B3GALNT2: variants seen among roughly 807,000 people sequenced by gnomAD.
The protein encoded by B3GALNT2 is beta-1,3-N-acetylgalactosaminyltransferase 2.
A neutral mutation model predicts 61.1 loss-of-function variants in B3GALNT2; 53 were observed. The observed-to-expected ratio is 0.87, with a 90% CI of 0.70 to 1.09. The LOEUF (loss-of-function observed/expected upper bound fraction) is 1.09, where lower values mean the gene tolerates loss of function less well. B3GALNT2 is among the 50% of genes least tolerant of loss of function. B3GALNT2 has a pLI of 0.00. For missense variants in B3GALNT2, 544 were observed against 623.0 expected, an observed-to-expected ratio of 0.87 and a Z score of 1.35; for synonymous variants, 223 against 237.4, an observed-to-expected ratio of 0.94 and a Z score of 0.56.
chr1:235,491,801 G>T (rs1685084609), intron 2 of B3GALNT2, among the ~76,000 whole-genome samples: 1 of 151,676 alleles, frequency 6.6e-6, no homozygotes, highest in Non-Finnish European at 1.5e-5. Flanking sequence ...GCCTCTCACA[G>T]TCATATGCTT....
At chr1:235,490,433 G>C (rs1381702783) in intron 2 of B3GALNT2, among the ~76,000 whole-genome samples, 1 of 152,124 alleles carries the variant, frequency 6.6e-6, no homozygotes, top group African/African-American at 2.4e-5. Flanking sequence ...ATTTCACCAT[G>C]TTGGCCAGGC....
intron 11 of B3GALNT2, chr1:235,452,572 T>A (rs1469023462): frequency 6.7e-6 from 1 of 150,244 alleles, no homozygotes. Context: ...TGAGACAGGG[T>A]CTCTCTCACT....
Position 235,455,557 on chromosome 1 carries a change from A to G in B3GALNT2, c.1151+2T>C. On this transcript the variant is annotated splice_donor_variant, in intron 9 of 11. Transcript: ENST00000366600. LOFTEE classifies it high-confidence loss of function. ...CCAATGGGCTAAGAATGGTTAACTT[A>G]CTTTCCCCACCAAAAATTAGGCCCA... 4 of 1,612,400 alleles carry G rather than the reference A, an allele frequency of 2.5e-6. No individual in the cohort carries two copies. Among genetic ancestry groups the G allele is most frequent in the Non-Finnish European group, 3.4e-6 (4 of 1,178,444 alleles).
rs1318552760 is a variant in B3GALNT2 at position 235,447,534 on chromosome 1, C to G, written c.*2672G>C. Among the ~76,000 whole-genome samples, 2 of 152,100 alleles carry G rather than the reference C, an allele frequency of 1.3e-5. No homozygotes were observed. Among genetic ancestry groups the G allele is most frequent in the Non-Finnish European group, 1.5e-5 (1 of 68,038 alleles). ...AATACAGTTACACATGATGTAATTA[C>G]AGAATGGCGGCGCTGGAAGGGACCT... is the stretch of plus-strand genomic sequence containing the variant. On this transcript the variant is annotated 3_prime_UTR_variant, in exon 12 of 12. Transcript: ENST00000366600.
At chr1:235,465,829 G>GT (rs1200581052) in intron 6 of B3GALNT2, 115 bp from the exon 7 acceptor site, 9 of 1,211,256 alleles carry the variant, frequency 7.4e-6, no homozygotes, top group Non-Finnish European at 1.1e-5. Context: ...ATAAATGCAT[G>GT]TAAGATGCTG....
the B3GALNT2 span, among the ~76,000 whole-genome samples, chr1:235,440,061 C>T: frequency 1.3e-5 from 2 of 152,186 alleles, no homozygotes; most frequent in African/African-American, 2.4e-5. Context: ...AGCTCCGCCT[C>T]CCGGGTTCAC....
chr1:235,461,211 C>T (rs952823947), intron 7 of B3GALNT2, among the ~76,000 whole-genome samples: 2 of 152,244 alleles, frequency 1.3e-5, no homozygotes, highest in South Asian at 4.1e-4. Context: ...ACTTCTGCCT[C>T]TCATGACTTG....
chr1:235,442,007 A>AT, the B3GALNT2 span: 1,289 of 829,902 alleles, frequency 1.6e-3, 1 homozygote, highest in Middle Eastern at 4.9e-3. Context: ...TTTAAATGAA[A>AT]ATTTTTTTTT....
intron 1 of B3GALNT2, among the ~76,000 whole-genome samples, chr1:235,498,608 C>T (rs1266214736): frequency 6.6e-6 from 1 of 151,884 alleles, no homozygotes; most frequent in Non-Finnish European, 1.5e-5. Flanking sequence ...TTTGGGAGGC[C>T]GAGGAGGGCA....
chr1:235,441,697 T>G, the B3GALNT2 span: 1 of 899,926 alleles, frequency 1.1e-6, no homozygotes, highest in Non-Finnish European at 1.8e-6. Flanking sequence ...GCTCCATGTG[T>G]CCTGGGAAAG....
chr1:235,484,709 A>C (rs291388), intron 3 of B3GALNT2, 194 bp from the exon 4 acceptor site: 492,445 of 1,049,032 alleles, frequency 0.47, 119,528 homozygotes, highest in Non-Finnish European at 0.5. Flanking sequence ...TTTAAGAATA[A>C]AGTTTTCAGC....
At chr1:235,447,104 T>C (rs563521117), downstream of B3GALNT2, among the ~76,000 whole-genome samples, 1 of 152,312 alleles carries the variant, frequency 6.6e-6, no homozygotes, top group Admixed American at 6.5e-5. Context: ...CCAGTCCGTC[T>C]CAATCTTTTG....
At chr1:235,491,433 T>G (rs1685061693) in intron 2 of B3GALNT2, among the ~76,000 whole-genome samples, 1 of 152,204 alleles carries the variant, frequency 6.6e-6, no homozygotes, top group Admixed American at 6.5e-5. Context: ...ATAATAAACA[T>G]GTATGTACAT....
At chr1:235,446,538 A>G (rs1378701752), downstream of B3GALNT2, among the ~76,000 whole-genome samples, 1 of 152,182 alleles carries the variant, frequency 6.6e-6, no homozygotes, top group Non-Finnish European at 1.5e-5. Context: ...TACCTCTCAA[A>G]TTTTTAACAC....
intron 5 of B3GALNT2, among the ~76,000 whole-genome samples, chr1:235,472,796 C>T (rs966169390): frequency 1.3e-5 from 2 of 152,186 alleles, no homozygotes; most frequent in African/African-American, 4.8e-5. Flanking sequence ...AATAATGTCT[C>T]ATTTTAGCCA....
intron 5 of B3GALNT2, among the ~76,000 whole-genome samples, chr1:235,478,471 C>T (rs1247582566): frequency 6.6e-6 from 1 of 152,146 alleles, no homozygotes; most frequent in Non-Finnish European, 1.5e-5. Context: ...TCATATATTG[C>T]TAATGATTGT....
intron 6 of B3GALNT2, among the ~76,000 whole-genome samples, chr1:235,466,154 AGTCT>A (rs1252356882): frequency 6.6e-6 from 1 of 152,150 alleles, no homozygotes; most frequent in African/African-American, 2.4e-5. Context: ...CAAAATTAAC[AGTCT>A]GTTCCAAATA....
At position 235,489,204 on chromosome 1, in the gene B3GALNT2, G is replaced by T. The variant is rs1684945562; in HGVS notation, c.325C>A (p.Pro109Thr). The change falls in exon 3 of 12, where the codon CCT becomes ACT. Residue 109 changes from proline to threonine, a missense_variant. Transcript: ENST00000366600. ...CEVPVEDRED[P>T]YSCKLLNITN... ...ATGTTGAGTAGTTTACAGGAATAAG[G>T]ATCCTCCCTGTCTTCCACAGGCACT... 1 of 1,614,026 alleles carries T rather than the reference G, an allele frequency of 6.2e-7. No individual in the cohort carries two copies.
chr1:235,453,851 A>C (rs1401042057), intron 10 of B3GALNT2, among the ~76,000 whole-genome samples: 2 of 152,216 alleles, frequency 1.3e-5, no homozygotes, highest in Non-Finnish European at 2.9e-5. Flanking sequence ...GTAGGGGTGC[A>C]TCCTTAACCT....
Sources: gnomAD v4.1 joint callset for allele counts (sites outside exome capture counted in the v4.1 genomes callset) on GRCh38, gnomAD v4.1.1 for gene constraint, MANE v1.5 for transcripts, NCBI Gene and HGNC (gene_info 2026-07-23, HGNC 2026-07-21) for gene names.